Variants in PCDHGA4 observed in about 807,000 individuals in gnomAD.
PCDHGA4 encodes protocadherin gamma subfamily A, 4, also known as protocadherin gamma-A4.
Under a neutral mutation model 54.6 loss-of-function variants are expected in PCDHGA4, and 38 were observed. The ratio of observed to expected loss-of-function variants is 0.70; its 90% CI spans 0.54 to 0.91. The LOEUF (loss-of-function observed/expected upper bound fraction) is 0.91. Ranked by LOEUF, PCDHGA4 falls within the 40% of genes least tolerant of loss-of-function variation. The pLI is 0.00. For synonymous variants in PCDHGA4, 511 were observed against 512.9 expected, an observed-to-expected ratio of 1.00 and a Z score of 0.05; for missense variants, 1,298 against 1,220.9, an observed-to-expected ratio of 1.06 and a Z score of -0.94.
At chr5:141,396,033 C>G (rs191318626) in intron 1 of PCDHGA4, 2 of 152,280 alleles carry the variant, frequency 1.3e-5, no homozygotes, top group South Asian at 2.1e-4. Flanking sequence ...TATGTAAGAA[C>G]ATATTTCAAT....
intron 2 of PCDHGA4, among the ~76,000 whole-genome samples, chr5:141,499,146 C>T (rs1415999012): frequency 1.3e-5 from 2 of 152,132 alleles, no homozygotes; most frequent in African/African-American, 4.8e-5. Flanking sequence ...GTGTCTGATC[C>T]CAATAGCTGT....
chr5:141,478,164 C>G lies in PCDHGA4; in HGVS notation c.2515-16643C>G, dbSNP rs202185809. On this transcript the variant is annotated intron_variant, in intron 1 of 3. Transcript: ENST00000571252. Reference sequence around the variant, plus strand: ...GCCGAGTTCCCCTCTGGCTCTGCCCCCCGGGAGCAGAAAAAAAATCTCACC... The same window carrying G: ...GCCGAGTTCCCCTCTGGCTCTGCCCGCCGGGAGCAGAAAAAAAATCTCACC... The G allele has an allele frequency of 1.0e-4, 167 of 1,613,890 alleles. No homozygotes were observed. Among genetic ancestry groups the G allele is most frequent in the Non-Finnish European group, 1.3e-4 (157 of 1,180,048 alleles).
At chr5:141,390,341 A>T (rs766269615) in intron 1 of PCDHGA4, 5 of 1,587,538 alleles carry the variant, frequency 3.1e-6, no homozygotes, top group Non-Finnish European at 4.3e-6. Flanking sequence ...CATATTCACA[A>T]GAAAATATAC....
intron 1 of PCDHGA4, chr5:141,361,379 T>C: frequency 6.2e-7 from 1 of 1,613,918 alleles, no homozygotes; most frequent in South Asian, 1.1e-5. Context: ...CGGGAGGAGA[T>C]CCCAGAATAC....
In PCDHGA4 at chr5:141,486,110, G is replaced by A. The variant is rs780031943; in HGVS notation, c.2515-8697G>A. 1.2e-6 allele frequency: 2 copies of A among 1,614,162 alleles called. No individual in the cohort carries two copies. Among genetic ancestry groups the A allele is most frequent in the South Asian group, 1.1e-5 (1 of 91,078 alleles). On this transcript the variant is annotated intron_variant, in intron 1 of 3. Transcript: ENST00000571252. This position sits in a 1 kb window ranked among gnomAD's most constrained non-coding sequence, Gnocchi z 5.0. ...TTTGGGGCCCCTAGACTTTGAGAGT[G>A]AGAATTACTATGAATTTGATGTGCG...
chr5:141,404,894 G>C (rs772084097), intron 1 of PCDHGA4: 1 of 1,613,878 alleles, frequency 6.2e-7, no homozygotes, highest in South Asian at 1.1e-5. Flanking sequence ...GGCTGTACAG[G>C]ACCATGGCCA....
In PCDHGA4 at chr5:141,431,118, A is replaced by T. The variant is rs2097344347; in HGVS notation, c.2515-63689A>T. On this transcript the variant is annotated intron_variant, in intron 1 of 3. Coordinates refer to ENST00000571252, the MANE Select transcript of PCDHGA4 (RefSeq NM_018917.4). This position sits in a 1 kb window ranked among gnomAD's most constrained non-coding sequence, Gnocchi z 4.8. ...GATAAAGTGAAAATATATGGAGTAG[A>T]AGTAGAAGTAAGGGACATTAACGAC... is the stretch of plus-strand genomic sequence containing the variant. The T allele has an allele frequency of 6.2e-7, 1 of 1,614,182 alleles. No homozygotes were observed. Among genetic ancestry groups the T allele is most frequent in the African/African-American group, 1.3e-5 (1 of 75,070 alleles).
chr5:141,373,897 C>T, intron 1 of PCDHGA4: 1 of 537,056 alleles, frequency 1.9e-6, no homozygotes, highest in Non-Finnish European at 3.1e-6. Flanking sequence ...ACTCAAGTTA[C>T]ATCCTCCAAC....
intron 1 of PCDHGA4, among the ~76,000 whole-genome samples, chr5:141,381,826 C>CTTCT (rs1777532522): frequency 2.0e-4 from 15 of 74,296 alleles, no homozygotes; most frequent in South Asian, 5.2e-4. Context: ...CTTTCTTCTT[C>CTTCT]TTTTTTTTTT....
At chr5:141,480,738 T>C (rs2099524955) in intron 1 of PCDHGA4, among the ~76,000 whole-genome samples, 1 of 152,124 alleles carries the variant, frequency 6.6e-6, no homozygotes, top group Admixed American at 6.5e-5. Flanking sequence ...GGGTGGGACA[T>C]AGGCATCATT....
In PCDHGA4 at chr5:141,476,948, G is replaced by T; in HGVS notation, c.2515-17859G>T. 6.2e-7 allele frequency: 1 copy of T among 1,614,180 alleles called. No individual in the cohort carries two copies. On this transcript the variant is annotated intron_variant, in intron 1 of 3. Transcript: ENST00000571252. The surrounding 1 kb of genome is among the most constrained non-coding windows in gnomAD (Gnocchi z 7.6). ...GGATCTGGATGAAGGCCCCAACGGTGAAATTATTTACTCCTTCGGCAGCCA... is the reference window on the plus strand; with the variant it reads ...GGATCTGGATGAAGGCCCCAACGGTTAAATTATTTACTCCTTCGGCAGCCA...
chr5:141,410,065 G>C, intron 1 of PCDHGA4: 1 of 1,612,938 alleles, frequency 6.2e-7, no homozygotes, highest in South Asian at 1.1e-5. Context: ...GCCTGGGGCT[G>C]CGCACTGGGG....
Position 141,355,213 on chromosome 5 carries a change from C to T in PCDHGA4, c.106C>T (p.Pro36Ser), listed in dbSNP as rs1416061639. 2 of 1,600,986 alleles carry T rather than the reference C, an allele frequency of 1.2e-6. No homozygotes were observed. The highest frequency in any genetic ancestry group is 1.7e-6 in the Non-Finnish European group (2 of 1,172,320). The part of the protein sequence containing the change: ...LRGGVVMAAP[P>S]ARPDHTRLLQ... ...CGGCGGGGTTGTAATGGCGGCGCCT[C>T]CTGCTCGCCCAGACCACACCCGGCT... Residue 36 changes from proline (P) to serine (S), a missense_variant, in exon 1 of 4, where the codon CCT (proline) becomes TCT (serine). Coordinates refer to ENST00000571252, the MANE Select transcript of PCDHGA4 (RefSeq NM_018917.4).
At chr5:141,447,136 TTTTTTG>T (rs1304915683) in intron 1 of PCDHGA4, among the ~76,000 whole-genome samples, 4 of 152,090 alleles carry the variant, frequency 2.6e-5, no homozygotes, top group Admixed American at 6.6e-5. Context: ...TGTTTGTTTG[TTTTTTG>T]TTTTTGTTTT....
chr5:141,465,950 A>G (rs570810183), intron 1 of PCDHGA4, among the ~76,000 whole-genome samples: 2 of 152,102 alleles, frequency 1.3e-5, no homozygotes, highest in African/African-American at 4.8e-5. Flanking sequence ...GTGAAACCCC[A>G]TCTCTACTAA....
Position 141,364,882 on chromosome 5 carries a change from C to G in PCDHGA4, c.2514+7261C>G, listed in dbSNP as rs199576947. 1.6e-3 allele frequency: 2,598 copies of G among 1,613,962 alleles called. 5 individuals carry two copies. The highest frequency in any genetic ancestry group is 2.6e-3 in the South Asian group (236 of 91,080). Reference sequence around the variant, plus strand: ...TGCACTTCTCTCTGGATGTGGTAAGCGGAACTGATGGACAAAAGTATCCGG... The same window carrying G: ...TGCACTTCTCTCTGGATGTGGTAAGGGGAACTGATGGACAAAAGTATCCGG... On this transcript the variant is annotated intron_variant, in intron 1 of 3. Transcript: ENST00000571252.
intron 1 of PCDHGA4, chr5:141,360,196 C>G (rs770642245): frequency 2.5e-6 from 4 of 1,612,440 alleles, no homozygotes; most frequent in Non-Finnish European, 3.4e-6. Flanking sequence ...GTTGCCCTTC[C>G]TGTTGTCTTT....
chr5:141,374,719 T>C, intron 1 of PCDHGA4: 3 of 1,610,224 alleles, frequency 1.9e-6, no homozygotes, highest in Non-Finnish European at 1.7e-6. Flanking sequence ...GCCTGGTCCT[T>C]ACTGCCATGG....
At chr5:141,488,062 T>C (rs1488970442) in intron 1 of PCDHGA4, among the ~76,000 whole-genome samples, 1 of 152,152 alleles carries the variant, frequency 6.6e-6, no homozygotes, top group Non-Finnish European at 1.5e-5. Flanking sequence ...AAATAAAATC[T>C]TTGTCTCCCA....
Sources: allele counts gnomAD v4.1 joint callset (sites outside exome capture counted in the v4.1 genomes callset), GRCh38; gene constraint gnomAD v4.1.1; non-coding constraint Gnocchi (gnomAD v3.1); transcripts MANE v1.5; gene names NCBI Gene and HGNC (gene_info 2026-07-23, HGNC 2026-07-21).